CHIA: variants seen among roughly 807,000 people sequenced by gnomAD.
The protein encoded by CHIA is acidic mammalian chitinase.
CHIA carries 47 observed loss-of-function variants against 53.5 expected under a neutral mutation model. The ratio of observed to expected loss-of-function variants is 0.88; its 90% confidence interval spans 0.70 to 1.12. The LOEUF (loss-of-function observed/expected upper bound fraction) is 1.12, where lower values mean the gene tolerates loss of function less well. Among genes scored for constraint, CHIA ranks in the 50% most tolerant of loss-of-function variants. The pLI, the probability that CHIA is intolerant of heterozygous loss-of-function variation, is 0.00. For synonymous variants in CHIA, 268 were observed against 222.2 expected (o/e 1.21, Z -1.83); for missense variants, 652 against 592.2 (o/e 1.10, Z -1.05).
At chr1:111,317,484 C>A (rs1029497662) in intron 6 of CHIA, 197 bp from the exon 7 acceptor site, 4 of 565,564 alleles carry the variant, frequency 7.1e-6, no homozygotes, top group African/African-American at 5.7e-5. Context: ...AACTCTTATG[C>A]ATATTAGATA....
rs544506609 is a variant in CHIA, at chr1:111,320,245, A to G, written c.1210A>G (p.Ile404Val). The stretch of plus-strand genomic sequence containing the variant: ...GGCTCCAGCTCAGCCCATTGAGCCA[A>G]TAACTGCTGCTCCCAGTGGCAGCGG... The part of the protein sequence containing the change: ...CTAPAQPIEP[I>V]TAAPSGSGNG... Residue 404 changes from isoleucine to valine, a missense_variant, in exon 12 of 12, where the codon ATA (isoleucine) becomes GTA (valine). Ile to Val is a conservative substitution (Grantham distance 29, BLOSUM62 3). Coordinates refer to ENST00000369740, the MANE Select transcript of CHIA (RefSeq NM_201653.4). 4 of 1,614,102 alleles carry G rather than the reference A, an allele frequency of 2.5e-6. No homozygotes were observed. Among genetic ancestry groups the G allele is most frequent in the Non-Finnish European group, 2.5e-6 (3 of 1,180,002 alleles).
Position 111,318,238 on chromosome 1 carries a change from A to G in CHIA, c.729+129A>G, listed in dbSNP as rs920989191. On this transcript the variant is annotated intron_variant, in intron 8 of 11. Coordinates refer to ENST00000369740, the MANE Select transcript of CHIA (RefSeq NM_201653.4). ...GGAAATTAGGCTGCCATAATTAATTAAATATTCTCATTTAATTTCACACAG... is the reference window on the plus strand; with the variant it reads ...GGAAATTAGGCTGCCATAATTAATTGAATATTCTCATTTAATTTCACACAG... 4 of 1,067,132 alleles carry G rather than the reference A, an allele frequency of 3.7e-6. No homozygotes were observed. In the Admixed American group the frequency reaches 1.1e-4, roughly 29 times the overall value. The allele number at this position is 1,067,132 out of a possible 1,614,324, so 66.1% of individuals were successfully genotyped here.
chr1:111,320,350 C>A lies in CHIA; in HGVS notation c.1315C>A (p.Pro439Thr), dbSNP rs368010768. The A allele has an allele frequency of 9.7e-5, 156 of 1,614,214 alleles. 3 individuals are homozygous for A. The highest frequency in any genetic ancestry group is 8.5e-4 in the East Asian group (38 of 44,880). The stretch of plus-strand genomic sequence containing the variant: ...TGCTGTCAGAGCCAACGGCCTCTAC[C>A]CCGTGGCAAATAACAGAAATGCCTT... Reference protein sequence around the residue: ...FCAVRANGLYPVANNRNAFWH... With the variant: ...FCAVRANGLYTVANNRNAFWH... The change falls in exon 12 of 12, where the codon CCC becomes ACC. Residue 439 changes from proline (P) to threonine (T), a missense_variant. Transcript: ENST00000369740.
chr1:111,311,864 C>G, intron 3 of CHIA, 146 bp downstream of exon 3: 1 of 836,752 alleles, frequency 1.2e-6, no homozygotes, highest in Non-Finnish European at 2.0e-6. Context: ...CACTGCTATC[C>G]TCTTCAGCAT....
At chr1:111,308,238 C>G (rs1470347919) in intron 1 of CHIA, among the ~76,000 whole-genome samples, 1 of 152,212 alleles carries the variant, frequency 6.6e-6, no homozygotes, top group Admixed American at 6.5e-5. Context: ...AAATACCTCA[C>G]TAGCTATAAA....
chr1:111,299,082 T>C (rs1478388732), intron 1 of CHIA, among the ~76,000 whole-genome samples: 2 of 152,158 alleles, frequency 1.3e-5, no homozygotes, highest in Non-Finnish European at 2.9e-5. Flanking sequence ...GCTCTGAAGT[T>C]GAGGCAATAA....
chr1:111,319,099 G>T, intron 9 of CHIA, 21 bp from the exon 10 acceptor site: 1 of 1,601,610 alleles, frequency 6.2e-7, no homozygotes, highest in Non-Finnish European at 8.5e-7. Context: ...TAATAGATTT[G>T]AATCTCTTGA....
intron 1 of CHIA, among the ~76,000 whole-genome samples, chr1:111,302,212 T>C (rs1423921183): frequency 6.6e-6 from 1 of 152,188 alleles, no homozygotes; most frequent in East Asian, 1.9e-4. Flanking sequence ...AACTTTTTAT[T>C]TTATTGATTT....
chr1:111,310,460 C>G lies in CHIA; in HGVS notation c.-8C>G, dbSNP rs1271305667. The G allele has an allele frequency of 6.2e-7, 1 of 1,614,094 alleles. No homozygotes were observed. The highest frequency in any genetic ancestry group is 1.3e-5 in the African/African-American group (1 of 74,946). On this transcript the variant is annotated 5_prime_UTR_variant, in exon 2 of 12. Coordinates refer to ENST00000369740, the MANE Select transcript of CHIA (RefSeq NM_201653.4). The stretch of plus-strand genomic sequence containing the variant: ...AAAAGCTCTGCGGGACTGGTGCTGA[C>G]TGCAACCATGACAAAGCTTATTCTC...
rs1174506255 is a variant in CHIA, at chr1:111,307,640, CT to C, written c.-68-2745del. 6.8e-3 allele frequency among the ~76,000 whole-genome samples: 957 copies of C among 140,660 alleles called. 5 individuals carry two copies. Among genetic ancestry groups the C allele is most frequent in the East Asian group, 0.024 (119 of 4,954 alleles). 92.3% of individuals were successfully genotyped at this position (140,660 alleles called of 152,430 possible). The stretch of plus-strand genomic sequence containing the variant: ...GATGGAGAAAAGGTTTTCATTTTTA[CT>C]TTTTTTTTTTTTTTCTTGAGATGGA... On this transcript the variant is annotated intron_variant, in intron 1 of 11. Coordinates refer to ENST00000369740, the MANE Select transcript of CHIA (RefSeq NM_201653.4).
chr1:111,307,586 CAAAGTT>C (rs1648284683), intron 1 of CHIA, among the ~76,000 whole-genome samples: 2 of 150,776 alleles, frequency 1.3e-5, no homozygotes, highest in Admixed American at 1.3e-4. Flanking sequence ...GGGTAATAGT[CAAAGTT>C]AATGTTATTT....
chr1:111,291,586 G>A (rs556763309), intron 1 of CHIA, among the ~76,000 whole-genome samples: 1 of 152,104 alleles, frequency 6.6e-6, no homozygotes, highest in South Asian at 2.1e-4. Context: ...TAGATGACGG[G>A]TTGATAGGTG....
chr1:111,301,654 A>G (rs899794402), intron 1 of CHIA, among the ~76,000 whole-genome samples: 1 of 149,018 alleles, frequency 6.7e-6, no homozygotes, highest in African/African-American at 2.5e-5. Flanking sequence ...GTGAGCCGAG[A>G]TAGTGCCACT....
At position 111,290,960 on chromosome 1, in the gene CHIA, AAT is replaced by A. The variant is rs577728383; in HGVS notation, c.-69+21_-69+22del. 8.7e-5 allele frequency: 39 copies of A among 447,130 alleles called. No individual in the cohort carries two copies. The highest frequency in any genetic ancestry group is 1.3e-4 in the Admixed American group (5 of 37,850). 27.7% of individuals were successfully genotyped at this position (447,130 alleles called of 1,614,324 possible). On this transcript the variant is annotated intron_variant, in intron 1 of 11. Coordinates refer to ENST00000369740, the MANE Select transcript of CHIA (RefSeq NM_201653.4). Reference sequence around the variant, plus strand: ...AATCCTCCATAGTCTGGTGAGTGTAAATATATATATATCTTTTCCCTTCTCCC... The same window carrying A: ...AATCCTCCATAGTCTGGTGAGTGTAAATATATATATCTTTTCCCTTCTCCC...
Position 111,317,596 on chromosome 1 carries a change from A to G in CHIA, c.481-85A>G, listed in dbSNP as rs992321403. ...TGAAAGCAATTTAAGAGAGAGAAGC[A>G]TTATACAGACATATGTTTATTAGTA... On this transcript the variant is annotated intron_variant, in intron 6 of 11. Transcript: ENST00000369740. The G allele has an allele frequency of 3.4e-6, 5 of 1,463,244 alleles. No individual in the cohort carries two copies. The Admixed American group carries it at 6.9e-5, about 20-fold the overall frequency. 90.6% of individuals were successfully genotyped at this position (1,463,244 alleles called of 1,614,324 possible). A position where few individuals can be genotyped will look rare whatever the true frequency, so the allele number is the denominator to read the frequency against.
intron 1 of CHIA, among the ~76,000 whole-genome samples, chr1:111,295,828 G>A (rs1661305091): frequency 6.6e-6 from 1 of 152,214 alleles, no homozygotes; most frequent in African/African-American, 2.4e-5. Flanking sequence ...ATGGCAGACT[G>A]TACCTGGAAA....
In CHIA at chr1:111,312,253, G is replaced by A. The variant is rs188897015; in HGVS notation, c.119G>A (p.Arg40His). The change falls in exon 4 of 12, where the codon CGC becomes CAC. Residue 40 changes from arginine to histidine, a missense_variant. By Grantham distance (29) the Arg-to-His change is conservative. Coordinates refer to ENST00000369740, the MANE Select transcript of CHIA (RefSeq NM_201653.4). ...GCCCAGTACCGGCCAGGCCTGGGGC[G>A]CTTCATGCCTGACAACATCGACCCC... ...NWAQYRPGLG[R>H]FMPDNIDPCL... The A allele has an allele frequency of 3.3e-5, 54 of 1,614,054 alleles. No homozygotes were observed. In the Admixed American group the frequency reaches 3.5e-4, roughly 10 times the overall value.
intron 1 of CHIA, among the ~76,000 whole-genome samples, chr1:111,303,864 G>A (rs1448861976): frequency 6.6e-6 from 1 of 152,164 alleles, no homozygotes; most frequent in Non-Finnish European, 1.5e-5. Context: ...GCAAGTTGCT[G>A]TCTAGTGTCT....
At chr1:111,312,845 T>C (rs1189821281) in intron 4 of CHIA, among the ~76,000 whole-genome samples, 1 of 149,882 alleles carries the variant, frequency 6.7e-6, no homozygotes, top group Non-Finnish European at 1.5e-5. Flanking sequence ...CATTCTACTA[T>C]ATACTTCTAT....
Sources: gnomAD v4.1 joint callset for allele counts (sites outside exome capture counted in the v4.1 genomes callset) on GRCh38, gnomAD v4.1.1 for gene constraint, MANE v1.5 for transcripts, NCBI Gene and HGNC (gene_info 2026-07-23, HGNC 2026-07-21) for gene names.